LYAR: variants seen among roughly 807,000 people sequenced by gnomAD.
LYAR encodes cell growth-regulating nucleolar protein.
In LYAR, 37 loss-of-function variants were observed where a neutral mutation model predicts 45.2. The observed-to-expected ratio is 0.82, with a 90% CI of 0.63 to 1.08. The LOEUF is 1.08. Among genes scored for constraint, LYAR ranks in the 50% least tolerant of loss-of-function variants. The pLI is 0.00. For missense variants in LYAR, 493 were observed against 451.0 expected (o/e 1.09, Z -0.84); for synonymous variants, 176 against 155.1 (o/e 1.14, Z -1.00).
At chr4:4,273,951 G>T (rs1719059981) in intron 7 of LYAR, among the ~76,000 whole-genome samples, 1 of 152,148 alleles carries the variant, frequency 6.6e-6, no homozygotes, top group Non-Finnish European at 1.5e-5. Context: ...AAAACATAAG[G>T]TCTAGCTAGG....
At chr4:4,271,540 GC>G (rs1425694788) in intron 8 of LYAR, among the ~76,000 whole-genome samples, 3 of 152,150 alleles carry the variant, frequency 2.0e-5, no homozygotes, top group Non-Finnish European at 2.9e-5. Context: ...AAACAGTGGG[GC>G]TGCTGGATTG....
In LYAR at chr4:4,281,060, T is replaced by C. The variant is rs546429568; in HGVS notation, c.237+723A>G. Among the ~76,000 whole-genome samples the C allele has an allele frequency of 5.9e-5, 9 of 152,334 alleles. No individual in the cohort carries two copies. The South Asian group carries it at 8.3e-4, about 14-fold the overall frequency. On this transcript the variant is annotated intron_variant, in intron 4 of 9. Coordinates refer to ENST00000343470, the MANE Select transcript of LYAR (RefSeq NM_017816.3). Reference sequence around the variant, plus strand: ...ATGTTTTCATGCTGTTTTAGTTAAGTAGAAAATTCTCTGCATTGACGAAAG... The same window carrying C: ...ATGTTTTCATGCTGTTTTAGTTAAGCAGAAAATTCTCTGCATTGACGAAAG...
intron 3 of LYAR, 38 bp downstream of exon 3, chr4:4,283,583 G>T: frequency 1.3e-6 from 2 of 1,589,634 alleles, no homozygotes; most frequent in Non-Finnish European, 1.7e-6. Flanking sequence ...AACTGATCTG[G>T]ATTTACTATG....
intron 8 of LYAR, among the ~76,000 whole-genome samples, chr4:4,270,036 C>A (rs960088101): frequency 2.0e-5 from 3 of 151,924 alleles, no homozygotes; most frequent in Non-Finnish European, 2.9e-5. Context: ...CTGGGCAACA[C>A]TGCAAGACCT....
At chr4:4,288,643 G>A (rs1719721258) in intron 1 of LYAR, among the ~76,000 whole-genome samples, 2 of 151,924 alleles carry the variant, frequency 1.3e-5, no homozygotes, top group South Asian at 4.2e-4. Flanking sequence ...ATGCCACCAT[G>A]CCCGGCTAAT....
At position 4,267,898 on chromosome 4, in the gene LYAR, A is replaced by T. The variant is rs201289548; in HGVS notation, c.1131T>A (p.Leu377=). 262 of 1,609,656 alleles carry T rather than the reference A, an allele frequency of 1.6e-4. No individual in the cohort carries two copies. The highest frequency in any genetic ancestry group is 2.1e-4 in the Non-Finnish European group (244 of 1,178,646). The part of the protein sequence containing the change: ...TFKLLKDKVK[L]VK Reference sequence around the variant, plus strand: ...TTAAATACACAAATGTTCATTTCACAAGCTTGACTTTGTCCTTTAATAACT... The same window carrying T: ...TTAAATACACAAATGTTCATTTCACTAGCTTGACTTTGTCCTTTAATAACT... Residue 377 remains leucine (L), a synonymous_variant, in exon 10 of 10, where the codon CTT becomes CTA. Transcript: ENST00000343470.
intron 6 of LYAR, among the ~76,000 whole-genome samples, chr4:4,277,690 C>T (rs1157303900): frequency 3.3e-5 from 5 of 152,174 alleles, no homozygotes; most frequent in East Asian, 1.9e-4. Flanking sequence ...ACCATGGACC[C>T]GCACGTGGTG....
In LYAR at chr4:4,274,496, C is replaced by T; in HGVS notation, c.703G>A (p.Gly235Arg). 1 of 1,614,210 alleles carries T rather than the reference C, an allele frequency of 6.2e-7. No homozygotes were observed. The highest frequency in any genetic ancestry group is 1.1e-5 in the South Asian group (1 of 91,088). ...KGQEADLEAG[G>R]EEVPEANGSA... The stretch of plus-strand genomic sequence containing the variant: ...CCATTGGCCTCAGGGACTTCCTCCC[C>T]ACCAGCCTCAAGGTCAGCCTCCTGT... Residue 235 changes from glycine to arginine, a missense_variant, in exon 7 of 10, where the codon GGG (glycine) becomes AGG (arginine). Transcript: ENST00000343470.
chr4:4,287,834 G>C (rs1719675707), intron 1 of LYAR, among the ~76,000 whole-genome samples: 1 of 152,094 alleles, frequency 6.6e-6, no homozygotes, highest in African/African-American at 2.4e-5. Context: ...ATAAATATTA[G>C]AACCCTAAGT....
chr4:4,283,601 A>G lies in LYAR; in HGVS notation c.122+20T>C, dbSNP rs961053565. The G allele has an allele frequency of 6.2e-7, 1 of 1,605,820 alleles. No individual in the cohort carries two copies. Among genetic ancestry groups the G allele is most frequent in the Non-Finnish European group, 8.5e-7 (1 of 1,177,304 alleles). On this transcript the variant is annotated intron_variant, in intron 3 of 9. Coordinates refer to ENST00000343470, the MANE Select transcript of LYAR (RefSeq NM_017816.3). ...TGATCTGGATTTACTATGGATCTAC[A>G]TGAATTCTGTGAAGCTTACCAGAAA...
chr4:4,268,414 GAC>G lies in LYAR; in HGVS notation c.1005+114_1005+115del, dbSNP rs1718796574. ...TTTGGAGCAGCTTGAAAATCACTGA[GAC>G]ACACACACAGATTTTCAGTGTTTTA... On this transcript the variant is annotated intron_variant, in intron 9 of 9. Transcript: ENST00000343470. 29 of 725,686 alleles carry G rather than the reference GAC, an allele frequency of 4.0e-5. No individual in the cohort carries two copies. The South Asian group carries it at 4.4e-4, about 11-fold the overall frequency. The allele number at this position is 725,686 out of a possible 1,614,324, so 45.0% of individuals were successfully genotyped here.
At chr4:4,273,109 G>T (rs2108839366) in intron 8 of LYAR, among the ~76,000 whole-genome samples, 1 of 152,316 alleles carries the variant, frequency 6.6e-6, no homozygotes, top group East Asian at 1.9e-4. Flanking sequence ...AAAGGCAGGG[G>T]CAAGAGAGTT....
intron 7 of LYAR, 90 bp downstream of exon 7, chr4:4,274,277 C>G: frequency 7.1e-7 from 1 of 1,410,382 alleles, no homozygotes; most frequent in East Asian, 2.3e-5. Flanking sequence ...CACACGCACA[C>G]AAAACGCTAG....
chr4:4,270,490 G>T (rs1303689206), intron 8 of LYAR, among the ~76,000 whole-genome samples: 1 of 147,036 alleles, frequency 6.8e-6, no homozygotes, highest in Non-Finnish European at 1.5e-5. Flanking sequence ...GTCCCACAAA[G>T]GAGTACTATT....
rs568999153 is a variant in LYAR, at chr4:4,290,121, G to A, written c.-193C>T. ...CGCCAGCCCAGCGCCGCAGCTACCT[G>A]CCTCTCAGGCTTCGCGGTGCAGAAT... On this transcript the variant is annotated 5_prime_UTR_variant, in exon 1 of 10. Transcript: ENST00000343470. 4.6e-5 allele frequency: 7 copies of A among 152,560 alleles called. No homozygotes were observed. Among genetic ancestry groups the A allele is most frequent in the Middle Eastern group, 3.4e-3 (1 of 296 alleles). The allele number at this position is 152,560 out of a possible 1,614,324, so 9.5% of individuals were successfully genotyped here.
intron 6 of LYAR, among the ~76,000 whole-genome samples, chr4:4,279,228 G>C (rs1250307233): frequency 6.6e-6 from 1 of 152,076 alleles, no homozygotes; most frequent in East Asian, 1.9e-4. Context: ...AGCTACTTGG[G>C]AGGCTGAGAC....
intron 2 of LYAR, among the ~76,000 whole-genome samples, chr4:4,284,608 T>C (rs538655435): frequency 1.3e-5 from 2 of 152,234 alleles, no homozygotes; most frequent in East Asian, 1.9e-4. Context: ...AAAAGAAGTA[T>C]GTCTGCACAC....
At chr4:4,283,548 A>C in intron 3 of LYAR, 73 bp downstream of exon 3, 2 of 1,506,334 alleles carry the variant, frequency 1.3e-6, no homozygotes, top group Non-Finnish European at 1.8e-6. Context: ...TATTTTTCCA[A>C]GCTTTGTGGC....
chr4:4,274,283 G>A (rs1027574266), intron 7 of LYAR, 84 bp downstream of exon 7: 15 of 1,416,472 alleles, frequency 1.1e-5, no homozygotes, highest in Middle Eastern at 1.8e-4. Flanking sequence ...CACACAAAAC[G>A]CTAGGTCTAA....
Sources: gnomAD v4.1 joint callset for allele counts (sites outside exome capture counted in the v4.1 genomes callset) on GRCh38, gnomAD v4.1.1 for gene constraint, MANE v1.5 for transcripts, NCBI Gene and HGNC (gene_info 2026-07-23, HGNC 2026-07-21) for gene names.